Variants in LPIN1 observed in about 807,000 individuals in gnomAD.
LPIN1 encodes the protein phosphatidate phosphatase LPIN1.
A neutral mutation model predicts 107.5 loss-of-function variants in LPIN1; 71 were observed. The observed-to-expected ratio is 0.66, with a 90% CI of 0.55 to 0.80. LPIN1 has a LOEUF of 0.80. LPIN1 is among the 30% of genes least tolerant of loss of function. The pLI is 0.00. For missense variants in LPIN1, 1,043 were observed against 1,160.6 expected (o/e 0.90, Z 1.47); for synonymous variants, 445 against 452.6 (o/e 0.98, Z 0.21).
At chr2:11,814,512 ATGTGTGTGTGTGTGTGTGTGTG>A (rs71394769) in intron 17 of LPIN1, among the ~76,000 whole-genome samples, 2 of 138,436 alleles carry the variant, frequency 1.4e-5, no homozygotes, top group South Asian at 2.4e-4. Context: ...GTGTGTGTGC[ATGTGTGTGTGTGTGTGTGTGTG>A]TGTGTGTGTG....
chr2:11,709,764 A>C (rs1178076515), intron 1 of LPIN1, among the ~76,000 whole-genome samples: 1 of 152,226 alleles, frequency 6.6e-6, no homozygotes, highest in African/African-American at 2.4e-5. Flanking sequence ...TGAGCCTGAT[A>C]ATCTGGAAAC....
chr2:11,740,752 ATCT>A (rs1442666211), intron 1 of LPIN1, among the ~76,000 whole-genome samples: 3 of 151,616 alleles, frequency 2.0e-5, no homozygotes, highest in East Asian at 1.9e-4. Context: ...GAAAGAAAAG[ATCT>A]TCTTATCAAT....
rs985521704 is a variant in LPIN1, at chr2:11,824,992, T to C, written c.*201T>C. On this transcript the variant is annotated 3_prime_UTR_variant, in exon 21 of 21. Transcript: ENST00000674199. Reference sequence around the variant, plus strand: ...AGCAAGATAGGAAGGGAGCACTTTCTAGGCTAGGAGTTGGGTGCATTTGTA... The same window carrying C: ...AGCAAGATAGGAAGGGAGCACTTTCCAGGCTAGGAGTTGGGTGCATTTGTA... 10 of 621,882 alleles carry C rather than the reference T, an allele frequency of 1.6e-5. No homozygotes were observed. In the Admixed American group the frequency reaches 2.8e-4, roughly 18 times the overall value. The allele number at this position is 621,882 out of a possible 1,614,324, so 38.5% of individuals were successfully genotyped here. A position where few individuals can be genotyped will look rare whatever the true frequency, so the allele number is the denominator to read the frequency against.
intron 17 of LPIN1, among the ~76,000 whole-genome samples, chr2:11,806,023 T>C (rs946984878): frequency 2.0e-5 from 3 of 152,202 alleles, no homozygotes; most frequent in Admixed American, 6.5e-5. Context: ...CATTCTGTTC[T>C]CCAGCCAGTT....
chr2:11,820,780 C>G (rs1290952551), intron 20 of LPIN1, among the ~76,000 whole-genome samples: 2 of 152,134 alleles, frequency 1.3e-5, no homozygotes, highest in African/African-American at 2.4e-5. Flanking sequence ...AATTTGAAAA[C>G]TAGTAGTTTA....
At chr2:11,702,171 G>T (rs980843983) in intron 1 of LPIN1, among the ~76,000 whole-genome samples, 2 of 152,192 alleles carry the variant, frequency 1.3e-5, no homozygotes, top group Non-Finnish European at 2.9e-5. Context: ...CACTGGGTTG[G>T]TCACGAGGCA....
At chr2:11,742,494 A>T (rs890949756), upstream of LPIN1, among the ~76,000 whole-genome samples, 1 of 152,188 alleles carries the variant, frequency 6.6e-6, no homozygotes. Context: ...TAGCAAGGTC[A>T]TGGGTCATGG....
chr2:11,822,767 G>C (rs1681765589), intron 20 of LPIN1, among the ~76,000 whole-genome samples: 1 of 152,194 alleles, frequency 6.6e-6, no homozygotes, highest in Admixed American at 6.5e-5. Context: ...CGCTGTCCAG[G>C]AATGGGAAAG....
chr2:11,821,670 G>T (rs146572517), intron 20 of LPIN1, among the ~76,000 whole-genome samples: 1,928 of 152,294 alleles, frequency 0.013, 51 homozygotes, highest in African/African-American at 0.044. Context: ...AGAGAGATAA[G>T]TTCTCTCTAG....
Position 11,820,464 on chromosome 2 carries a change from C to G in LPIN1, c.2571C>G (p.Val857=). ...VGVSLNRIFT[V]NPKGELVQEH... ...TGTCTTTGAATAGAATATTTACCGT[C>G]AACCCTAAAGGAGAGCTGGTACAGG... Residue 857 remains valine (V), a synonymous_variant, in exon 20 of 21, where the codon GTC becomes GTG. Coordinates refer to ENST00000674199, the MANE Select transcript of LPIN1 (RefSeq NM_001349206.2). 1.2e-6 allele frequency: 2 copies of G among 1,613,770 alleles called. No homozygotes were observed. Among genetic ancestry groups the G allele is most frequent in the Non-Finnish European group, 1.7e-6 (2 of 1,179,656 alleles).
At chr2:11,808,441 CAG>C (rs1005030401) in intron 17 of LPIN1, among the ~76,000 whole-genome samples, 66 of 152,320 alleles carry the variant, frequency 4.3e-4, no homozygotes, top group African/African-American at 1.6e-3. Flanking sequence ...TCTAGAGAAA[CAG>C]AGAAATGATT....
chr2:11,766,244 C>A (rs532740343), intron 2 of LPIN1, among the ~76,000 whole-genome samples: 2 of 152,280 alleles, frequency 1.3e-5, no homozygotes, highest in African/African-American at 4.8e-5. Flanking sequence ...TATGGCCTAG[C>A]CTTGCAAGCC....
At chr2:11,776,058 T>G (rs1020933952) in intron 5 of LPIN1, 28 bp from the exon 6 acceptor site, 1 of 1,361,022 alleles carries the variant, frequency 7.3e-7, no homozygotes, top group Non-Finnish European at 1.0e-6. Context: ...TGTCTTTCTT[T>G]TAATGTGTAT....
chr2:11,718,202 G>A (rs139326274), intron 2 of LPIN1, among the ~76,000 whole-genome samples: 174 of 152,136 alleles, frequency 1.1e-3, no homozygotes, highest in African/African-American at 4.1e-3. Flanking sequence ...TACATTTCCA[G>A]GTAACCTCTC....
intron 1 of LPIN1, among the ~76,000 whole-genome samples, chr2:11,703,482 C>G (rs1291289324): frequency 6.6e-6 from 1 of 152,206 alleles, no homozygotes; most frequent in Admixed American, 6.5e-5. Flanking sequence ...GCATACATCT[C>G]TGGTCTGCAC....
intron 13 of LPIN1, among the ~76,000 whole-genome samples, chr2:11,792,531 C>CA (rs1427078673): frequency 6.6e-6 from 1 of 151,960 alleles, no homozygotes; most frequent in Admixed American, 6.6e-5. Context: ...TACAGCCATG[C>CA]ACCACCACGC....
intron 14 of LPIN1, among the ~76,000 whole-genome samples, chr2:11,800,774 A>G (rs1243382079): frequency 6.6e-6 from 1 of 152,172 alleles, no homozygotes; most frequent in Non-Finnish European, 1.5e-5. Context: ...AAAGATAAAG[A>G]CAATCCTGGT....
At chr2:11,751,230 T>G (rs1023582437) in intron 1 of LPIN1, among the ~76,000 whole-genome samples, 4 of 152,066 alleles carry the variant, frequency 2.6e-5, no homozygotes, top group African/African-American at 9.7e-5. Context: ...CATCTGACCT[T>G]CCCTCCAAAG....
intron 20 of LPIN1, among the ~76,000 whole-genome samples, chr2:11,821,666 ATAAGT>A (rs1681551973): frequency 6.6e-6 from 1 of 152,190 alleles, no homozygotes; most frequent in Non-Finnish European, 1.5e-5. Context: ...AGATAGAGAG[ATAAGT>A]TCTCTCTAGG....
Sources: gnomAD v4.1 joint callset for allele counts (sites outside exome capture counted in the v4.1 genomes callset) on GRCh38, gnomAD v4.1.1 for gene constraint, MANE v1.5 for transcripts, NCBI Gene and HGNC (gene_info 2026-07-23, HGNC 2026-07-21) for gene names.